The following MAP2K2 variants were observed in gnomAD, a reference collection of about 807,000 sequenced individuals.
MAP2K2 encodes mitogen-activated protein kinase kinase 2.
A neutral mutation model predicts 43.7 loss-of-function variants in MAP2K2; 24 were observed. That is an observed-to-expected ratio of 0.55 (90% confidence interval 0.40 to 0.77). The LOEUF (loss-of-function observed/expected upper bound fraction) is 0.77, where lower values mean the gene tolerates loss of function less well. Among genes scored for constraint, MAP2K2 ranks in the 30% least tolerant of loss-of-function variants. The probability of loss-of-function intolerance (pLI) is 0.00; values close to 1 mark genes in which losing one functional copy is unlikely to be tolerated. For missense variants in MAP2K2, 470 were observed against 566.8 expected (o/e 0.83, Z 1.73); for synonymous variants, 244 against 239.7 (o/e 1.02, Z -0.17).
rs558120365 is a variant in MAP2K2, at chr19:4,123,398, C to T, written c.92+386G>A. ...ATCCTCTCCTCTTAGAGACATCCTT[C>T]ACCCCAACTTCACTACTCAGAGACT... is the stretch of plus-strand genomic sequence containing the variant. On this transcript the variant is annotated intron_variant, in intron 1 of 10. Transcript: ENST00000262948. Among the ~76,000 whole-genome samples the T allele has an allele frequency of 7.2e-5, 11 of 152,108 alleles. No individual in the cohort carries two copies. In the South Asian group the frequency reaches 2.3e-3, roughly 32 times the overall value.
chr19:4,120,650 G>A (rs2041281383), intron 1 of MAP2K2, among the ~76,000 whole-genome samples: 1 of 152,182 alleles, frequency 6.6e-6, no homozygotes, highest in Admixed American at 6.5e-5. Flanking sequence ...GACTTGGAAG[G>A]TCTCAAGTAC....
rs1322150047 is a variant in MAP2K2, at chr19:4,115,246, C to A, written c.303+2173G>T. Reference sequence around the variant, plus strand: ...CATCTCCACCCACCAGACCACAGAACCTGCCCAGCCACGCCTGCCCTCAGG... The same window carrying A: ...CATCTCCACCCACCAGACCACAGAAACTGCCCAGCCACGCCTGCCCTCAGG... On this transcript the variant is annotated intron_variant, in intron 2 of 10. Transcript: ENST00000262948. The surrounding 1 kb of genome is among the most constrained non-coding windows in gnomAD (Gnocchi z 4.1). Among the ~76,000 whole-genome samples the A allele has an allele frequency of 6.6e-6, 1 of 152,164 alleles. No individual in the cohort carries two copies. Among genetic ancestry groups the A allele is most frequent in the Non-Finnish European group, 1.5e-5 (1 of 68,034 alleles).
rs189388604 is a variant in MAP2K2, at chr19:4,117,649, T to C, written c.93-20A>G. On this transcript the variant is annotated intron_variant, in intron 1 of 10. Transcript: ENST00000262948. ...TTTGCCCTGCAGAGACCCCCCAGGGTAGGGGTTAGCTACCTAGGGAGACTC... is the reference window on the plus strand; with the variant it reads ...TTTGCCCTGCAGAGACCCCCCAGGGCAGGGGTTAGCTACCTAGGGAGACTC... 1 of 1,612,002 alleles carries C rather than the reference T, an allele frequency of 6.2e-7. No homozygotes were observed. Among genetic ancestry groups the C allele is most frequent in the African/African-American group, 1.3e-5 (1 of 74,880 alleles).
At position 4,115,934 on chromosome 19, in the gene MAP2K2, T is replaced by C. The variant is rs991476328; in HGVS notation, c.303+1485A>G. ...TCCCCAAGTGGTCACATCCTCCCTG[T>C]ATCCCCTGGGCACTATTCTCAAACA... On this transcript the variant is annotated intron_variant, in intron 2 of 10. Coordinates refer to ENST00000262948, the MANE Select transcript of MAP2K2 (RefSeq NM_030662.4). This position sits in a 1 kb window ranked among gnomAD's most constrained non-coding sequence, Gnocchi z 4.1. Among the ~76,000 whole-genome samples the C allele has an allele frequency of 1.3e-5, 2 of 152,186 alleles. No individual in the cohort carries two copies. Among genetic ancestry groups the C allele is most frequent in the Non-Finnish European group, 2.9e-5 (2 of 68,032 alleles).
chr19:4,123,703 C>T (rs940890467), intron 1 of MAP2K2, 81 bp downstream of exon 1: 6 of 1,139,300 alleles, frequency 5.3e-6, no homozygotes, highest in African/African-American at 5.0e-5. Context: ...CCTCGCGAAC[C>T]CCCGTCCCCT....
In MAP2K2 at chr19:4,115,848, G is replaced by A. The variant is rs146025027; in HGVS notation, c.303+1571C>T. The stretch of plus-strand genomic sequence containing the variant: ...AGCGTTCTAGGTCTGAAAGAACACC[G>A]GTGAGGAGCTGAACACCCTGTCAAC... On this transcript the variant is annotated intron_variant, in intron 2 of 10. Transcript: ENST00000262948. This position sits in a 1 kb window ranked among gnomAD's most constrained non-coding sequence, Gnocchi z 4.1. Among the ~76,000 whole-genome samples, 565 of 152,282 alleles carry A rather than the reference G, an allele frequency of 3.7e-3. 1 individual carries two copies. The highest frequency in any genetic ancestry group is 6.6e-3 in the Non-Finnish European group (447 of 68,002).
At chr19:4,096,929 A>T (rs2040926509) in intron 8 of MAP2K2, among the ~76,000 whole-genome samples, 1 of 151,924 alleles carries the variant, frequency 6.6e-6, no homozygotes, top group Admixed American at 6.6e-5. Context: ...GGGAGACGCG[A>T]CACACGTGGA....
intron 1 of MAP2K2, among the ~76,000 whole-genome samples, chr19:4,122,000 C>T (rs1375424715): frequency 6.2e-5 from 9 of 144,128 alleles, no homozygotes; most frequent in Non-Finnish European, 9.2e-5. Context: ...CCTAAGGGAC[C>T]CCCCTGCCCC....
chr19:4,116,483 T>C (rs2145078254), intron 2 of MAP2K2, among the ~76,000 whole-genome samples: 1 of 151,556 alleles, frequency 6.6e-6, no homozygotes, highest in South Asian at 2.1e-4. Context: ...TGAGCCAAGA[T>C]CGCACCACTG....
chr19:4,101,418 C>G lies in MAP2K2; in HGVS notation c.529-138G>C, dbSNP rs73536061. 5.3e-6 allele frequency: 5 copies of G among 949,516 alleles called. No homozygotes were observed. Among genetic ancestry groups the G allele is most frequent in the Admixed American group, 2.0e-5 (1 of 49,900 alleles). 58.8% of individuals were successfully genotyped at this position (949,516 alleles called of 1,614,324 possible). A position where few individuals can be genotyped will look rare whatever the true frequency, so the allele number is the denominator to read the frequency against. ...GAACCATTTCAGGCTGTGAGGAGCT[C>G]GCTGGGGTGGAGCAAGCGAGGCCAG... On this transcript the variant is annotated intron_variant, in intron 4 of 10. Transcript: ENST00000262948. This position sits in a 1 kb window ranked among gnomAD's most constrained non-coding sequence, Gnocchi z 6.3.
At position 4,102,294 on chromosome 19, in the gene MAP2K2, G is replaced by A. The variant is rs1397939263; in HGVS notation, c.528+82C>T. On this transcript the variant is annotated intron_variant, in intron 4 of 10. Transcript: ENST00000262948. ...CACCCTAACCCCCACCACACTGTGA[G>A]TGGCTCCCGGAACCCTGGCCGTGTG... 3 of 1,240,414 alleles carry A rather than the reference G, an allele frequency of 2.4e-6. No homozygotes were observed. The East Asian group carries it at 7.6e-5, about 31-fold the overall frequency. The allele number at this position is 1,240,414 out of a possible 1,614,324, so 76.8% of individuals were successfully genotyped here.
Position 4,097,205 on chromosome 19 carries a change from T to TAAAA in MAP2K2, c.984+70_984+73dup, listed in dbSNP as rs10681431. On this transcript the variant is annotated intron_variant, in intron 8 of 10. Coordinates refer to ENST00000262948, the MANE Select transcript of MAP2K2 (RefSeq NM_030662.4). Reference sequence around the variant, plus strand: ...GCTCTGGTCAGAGAGAGACTCTGCCTAAAAAAAAAAAAAAAAAAAAAAAGA... The same window carrying TAAAA: ...GCTCTGGTCAGAGAGAGACTCTGCCTAAAAAAAAAAAAAAAAAAAAAAAAAAAGA... The TAAAA allele has an allele frequency of 7.9e-4, 450 of 571,196 alleles. 2 individuals are homozygous for TAAAA. The highest frequency in any genetic ancestry group is 2.3e-3 in the African/African-American group (64 of 27,774). 35.4% of individuals were successfully genotyped at this position (571,196 alleles called of 1,614,324 possible).
At chr19:4,100,928 G>C (rs192478889) in intron 6 of MAP2K2, 91 bp downstream of exon 6, 3 of 1,450,688 alleles carry the variant, frequency 2.1e-6, no homozygotes, top group East Asian at 2.5e-5. Context: ...TGAGAGCTGA[G>C]GGGGAGAGCT....
At chr19:4,117,181 T>C (rs1046117137) in intron 2 of MAP2K2, among the ~76,000 whole-genome samples, 7 of 152,200 alleles carry the variant, frequency 4.6e-5, no homozygotes, top group Non-Finnish European at 8.8e-5. Context: ...TCAAGTGCCC[T>C]CCAGGGCAGA....
intron 3 of MAP2K2, among the ~76,000 whole-genome samples, chr19:4,105,103 C>G (rs1031604685): frequency 1.3e-5 from 2 of 151,232 alleles, no homozygotes; most frequent in African/African-American, 4.9e-5. Context: ...GGTATTGCAG[C>G]TGTGTACTGC....
rs573053900 is a variant in MAP2K2, at chr19:4,097,359, G to T, written c.920-16C>A. On this transcript the variant is annotated splice_polypyrimidine_tract_variant and intron_variant, in intron 7 of 10. Transcript: ENST00000262948. ...ATCCCGTGACCTGCACAGGGAGAGA[G>T]ATGGAGGTGAGATGGGCCGATGGCC... 1.2e-6 allele frequency: 2 copies of T among 1,608,476 alleles called. No homozygotes were observed. Among genetic ancestry groups the T allele is most frequent in the Admixed American group, 1.7e-5 (1 of 59,996 alleles).
In MAP2K2 at chr19:4,097,309, G is replaced by A; in HGVS notation, c.954C>T (p.Ile318=). ...TCACAATATAGTCCAGGAGTTCAAAGATGGCCATGGCAGGCCGGCTATCCA... is the reference window on the plus strand; with the variant it reads ...TCACAATATAGTCCAGGAGTTCAAAAATGGCCATGGCAGGCCGGCTATCCA... ...HGMDSRPAMA[I]FELLDYIVNE... is the part of the protein sequence containing the mutation. Residue 318 remains isoleucine, a synonymous_variant, in exon 8 of 11, where the codon ATC becomes ATT. Transcript: ENST00000262948. The A allele has an allele frequency of 1.9e-6, 3 of 1,608,856 alleles. No homozygotes were observed. Among genetic ancestry groups the A allele is most frequent in the Non-Finnish European group, 2.5e-6 (3 of 1,177,626 alleles).
intron 3 of MAP2K2, 46 bp from the exon 4 acceptor site, chr19:4,102,499 G>A (rs200959821): frequency 8.9e-5 from 125 of 1,409,784 alleles, no homozygotes; most frequent in Admixed American, 5.6e-4. Flanking sequence ...GCAGGTGGCC[G>A]GGAAGCCACG....
intron 1 of MAP2K2, among the ~76,000 whole-genome samples, chr19:4,121,760 C>A (rs2041298431): frequency 1.3e-5 from 1 of 75,628 alleles, no homozygotes; most frequent in Non-Finnish European, 2.6e-5. Context: ...CCCGCTAAAG[C>A]CCCCCCATGT....
Sources: allele counts gnomAD v4.1 joint callset (sites outside exome capture counted in the v4.1 genomes callset), GRCh38; gene constraint gnomAD v4.1.1; non-coding constraint Gnocchi (gnomAD v3.1); transcripts MANE v1.5; gene names NCBI Gene and HGNC (gene_info 2026-07-23, HGNC 2026-07-21).